The following ERO1B variants were observed in gnomAD, a reference collection of about 807,000 sequenced individuals.
ERO1B encodes endoplasmic reticulum oxidoreductase 1 beta.
ERO1B carries 49 observed loss-of-function variants against 75.3 expected under a neutral mutation model. That is an observed-to-expected ratio of 0.65 (90% CI 0.52 to 0.83). The LOEUF is 0.83. ERO1B is among the 40% of genes least tolerant of loss of function. ERO1B has a pLI of 0.00. For missense variants in ERO1B, 512 were observed against 560.1 expected, an observed-to-expected ratio of 0.91 and a Z score of 0.87; for synonymous variants, 191 against 192.9, an observed-to-expected ratio of 0.99 and a Z score of 0.08.
Position 236,281,796 on chromosome 1 carries a change from C to T in ERO1B, c.-13G>A, listed in dbSNP as rs770255438. On this transcript the variant is annotated 5_prime_UTR_variant, in exon 1 of 16. Coordinates refer to ENST00000354619, the MANE Select transcript of ERO1B (RefSeq NM_019891.4). ...CCCCTTGGCTCATGCTGACCTCTAC[C>T]CACACCGCGGCCAGCCGGACCCCTC... 34 of 1,434,586 alleles carry T rather than the reference C, an allele frequency of 2.4e-5. No individual in the cohort carries two copies. The South Asian group carries it at 4.3e-4, about 18-fold the overall frequency. The allele number at this position is 1,434,586 out of a possible 1,614,324, so 88.9% of individuals were successfully genotyped here.
intron 11 of ERO1B, 41 bp downstream of exon 11, chr1:236,226,606 C>T (rs1443503210): frequency 6.3e-7 from 1 of 1,596,680 alleles, no homozygotes; most frequent in Admixed American, 1.8e-5. Context: ...ATAATTTTTA[C>T]ACTAATAGAA....
chr1:236,272,998 A>G (rs1019933229), intron 1 of ERO1B, among the ~76,000 whole-genome samples: 1 of 152,186 alleles, frequency 6.6e-6, no homozygotes, highest in Non-Finnish European at 1.5e-5. Flanking sequence ...CAGTAGACAG[A>G]ATGCCCCACC....
chr1:236,272,939 T>C (rs1163005759), intron 1 of ERO1B, among the ~76,000 whole-genome samples: 1 of 152,172 alleles, frequency 6.6e-6, no homozygotes, highest in Non-Finnish European at 1.5e-5. Flanking sequence ...TTGCAAGTGT[T>C]ACATTTTATT....
At chr1:236,237,495 T>C (rs1253813213) in intron 6 of ERO1B, among the ~76,000 whole-genome samples, 1 of 152,188 alleles carries the variant, frequency 6.6e-6, no homozygotes, top group Non-Finnish European at 1.5e-5. Flanking sequence ...ACATTCTGAA[T>C]AGAAATGGGA....
chr1:236,247,449 C>G (rs1312602655), intron 5 of ERO1B, among the ~76,000 whole-genome samples: 1 of 152,178 alleles, frequency 6.6e-6, no homozygotes, highest in Non-Finnish European at 1.5e-5. Flanking sequence ...TTAGCTTTAT[C>G]TTCAAAATAC....
intron 1 of ERO1B, among the ~76,000 whole-genome samples, chr1:236,273,906 A>G (rs998783787): frequency 2.0e-5 from 3 of 151,794 alleles, no homozygotes; most frequent in African/African-American, 7.3e-5. Flanking sequence ...AAATGGCAAA[A>G]TGATTTCCAA....
At chr1:236,268,708 A>G (rs532535213) in intron 2 of ERO1B, among the ~76,000 whole-genome samples, 3 of 151,704 alleles carry the variant, frequency 2.0e-5, no homozygotes, top group African/African-American at 7.3e-5. Flanking sequence ...AACATGGTGA[A>G]ACCCCGTCTC....
intron 1 of ERO1B, among the ~76,000 whole-genome samples, chr1:236,279,503 T>C (rs1465941752): frequency 4.6e-4 from 1 of 2,160 alleles, no homozygotes; most frequent in Non-Finnish European, 1.3e-3. Context: ...AGACTCCATC[T>C]CAAAAAAAAA....
In ERO1B at chr1:236,216,518, TAAG is replaced by T. The variant is rs1472071102; in HGVS notation, c.*1995_*1997del. 2 of 152,114 alleles carry T rather than the reference TAAG, an allele frequency of 1.3e-5. No individual in the cohort carries two copies. The highest frequency in any genetic ancestry group is 2.9e-5 in the Non-Finnish European group (2 of 67,972). 9.4% of individuals were successfully genotyped at this position (152,114 alleles called of 1,614,324 possible). A position where few individuals can be genotyped will look rare whatever the true frequency, so the allele number is the denominator to read the frequency against. On this transcript the variant is annotated 3_prime_UTR_variant, in exon 16 of 16. Coordinates refer to ENST00000354619, the MANE Select transcript of ERO1B (RefSeq NM_019891.4). ...TTTTCTTAGTTGTGAAAAAATTAGT[TAAG>T]AACCTTAAAAAGAACTTTTTACTCT...
chr1:236,239,873 GTA>G (rs1572042451), intron 6 of ERO1B, among the ~76,000 whole-genome samples: 17 of 78,568 alleles, frequency 2.2e-4, no homozygotes, highest in African/African-American at 7.3e-4. Context: ...ATATATATGT[GTA>G]TATGTGTGTG....
At chr1:236,234,844 A>G (rs1226981850) in intron 8 of ERO1B, among the ~76,000 whole-genome samples, 1 of 152,234 alleles carries the variant, frequency 6.6e-6, no homozygotes, top group East Asian at 1.9e-4. Flanking sequence ...TTCCTCACTG[A>G]GAACAGACTG....
chr1:236,249,712 C>T (rs1227531349), intron 5 of ERO1B, among the ~76,000 whole-genome samples, 173 bp downstream of exon 5: 1 of 151,880 alleles, frequency 6.6e-6, no homozygotes, highest in East Asian at 1.9e-4. Context: ...ATAAATCAGC[C>T]AAGAAGAGGC....
At chr1:236,253,893 T>A (rs909655208) in intron 2 of ERO1B, among the ~76,000 whole-genome samples, 3 of 152,170 alleles carry the variant, frequency 2.0e-5, no homozygotes, top group African/African-American at 7.2e-5. Flanking sequence ...TAAAAATCTA[T>A]TGAAGGAAAC....
Position 236,218,284 on chromosome 1 carries a change from A to G in ERO1B, c.*232T>C, listed in dbSNP as rs1324504287. 3.3e-5 allele frequency: 8 copies of G among 244,280 alleles called. No homozygotes were observed. Among genetic ancestry groups the G allele is most frequent in the Admixed American group, 2.9e-4 (5 of 17,054 alleles). 15.1% of individuals were successfully genotyped at this position (244,280 alleles called of 1,614,324 possible). On this transcript the variant is annotated 3_prime_UTR_variant, in exon 16 of 16. Transcript: ENST00000354619. ...TCATTACATGAAAACATATGAAATT[A>G]AACACAAAATTAGTATAACTTACAT... is the stretch of plus-strand genomic sequence containing the variant.
intron 10 of ERO1B, among the ~76,000 whole-genome samples, chr1:236,227,678 A>C (rs1664311251): frequency 6.6e-6 from 1 of 152,122 alleles, no homozygotes; most frequent in Non-Finnish European, 1.5e-5. Flanking sequence ...CATTTATATG[A>C]TGGGGGAAAT....
chr1:236,228,664 A>G (rs571713719), intron 10 of ERO1B, among the ~76,000 whole-genome samples: 43 of 152,322 alleles, frequency 2.8e-4, no homozygotes, highest in African/African-American at 1.0e-3. Flanking sequence ...TTACTGTAAC[A>G]GTAATATTTG....
intron 14 of ERO1B, 145 bp downstream of exon 14, chr1:236,221,779 T>C (rs1160879184): frequency 1.6e-6 from 1 of 635,898 alleles, no homozygotes; most frequent in Non-Finnish European, 2.8e-6. Flanking sequence ...ACTTTAATTT[T>C]TTCATCAACA....
chr1:236,262,850 T>C (rs146668568), intron 2 of ERO1B, among the ~76,000 whole-genome samples: 118 of 152,246 alleles, frequency 7.8e-4, no homozygotes, highest in African/African-American at 2.7e-3. Flanking sequence ...ACCTCAGTTG[T>C]GGAAATGCTG....
At chr1:236,260,664 C>CAA (rs35701591) in intron 2 of ERO1B, among the ~76,000 whole-genome samples, 31,288 of 126,684 alleles carry the variant, frequency 0.25, 3,703 homozygotes, top group East Asian at 0.37. Context: ...GAGTTGGTCT[C>CAA]AAAAAAAAAA....
Sources: gnomAD v4.1 joint callset for allele counts (sites outside exome capture counted in the v4.1 genomes callset) on GRCh38, gnomAD v4.1.1 for gene constraint, MANE v1.5 for transcripts, NCBI Gene and HGNC (gene_info 2026-07-23, HGNC 2026-07-21) for gene names.